HS3ST4: variants seen among roughly 807,000 people sequenced by gnomAD.
The protein encoded by HS3ST4 is heparan sulfate glucosamine 3-O-sulfotransferase 4.
Under a neutral mutation model 29.2 loss-of-function variants are expected in HS3ST4, and 17 were observed. The ratio of observed to expected loss-of-function variants is 0.58; its 90% confidence interval spans 0.40 to 0.87. HS3ST4 has a LOEUF of 0.87. Among genes scored for constraint, HS3ST4 ranks in the 40% least tolerant of loss-of-function variants. The pLI is 0.00. For missense variants in HS3ST4, 627 were observed against 634.5 expected (o/e 0.99, Z 0.13); for synonymous variants, 314 against 285.7 (o/e 1.10, Z -1.00).
At chr16:25,872,681 T>C (rs537794204) in intron 1 of HS3ST4, among the ~76,000 whole-genome samples, 129 of 152,336 alleles carry the variant, frequency 8.5e-4, no homozygotes, top group African/African-American at 3.0e-3. Flanking sequence ...TTCTGCTGGA[T>C]TCACATTGCT....
chr16:25,763,319 G>T lies in HS3ST4; in HGVS notation c.734+70168G>T, dbSNP rs138981189. On this transcript the variant is annotated intron_variant, in intron 1 of 1. Coordinates refer to ENST00000331351, the MANE Select transcript of HS3ST4 (RefSeq NM_006040.3). Reference sequence around the variant, plus strand: ...AGCTGCATCTCCAGGATGGAAAACAGCCCAGGCAGAAGGAAATGCCACCTG... The same window carrying T: ...AGCTGCATCTCCAGGATGGAAAACATCCCAGGCAGAAGGAAATGCCACCTG... Among the ~76,000 whole-genome samples, 3 of 152,244 alleles carry T rather than the reference G, an allele frequency of 2.0e-5. No individual in the cohort carries two copies. The East Asian group carries it at 5.8e-4, about 29-fold the overall frequency.
At chr16:26,026,669 C>T (rs1969477492) in intron 1 of HS3ST4, among the ~76,000 whole-genome samples, 1 of 152,098 alleles carries the variant, frequency 6.6e-6, no homozygotes, top group South Asian at 2.1e-4. Context: ...AGAAGCTCCC[C>T]AGCTGATTTC....
intron 1 of HS3ST4, among the ~76,000 whole-genome samples, chr16:25,949,694 A>G (rs145279839): frequency 4.5e-4 from 69 of 152,306 alleles, no homozygotes; most frequent in Non-Finnish European, 6.0e-4. Context: ...AATATCATGA[A>G]TAAGGGGGAT....
chr16:26,043,144 A>G (rs1284741061), intron 1 of HS3ST4, among the ~76,000 whole-genome samples: 11 of 152,148 alleles, frequency 7.2e-5, no homozygotes, highest in Middle Eastern at 3.2e-3. Flanking sequence ...AGCTTTCAAC[A>G]TTGTAATTAG....
intron 1 of HS3ST4, among the ~76,000 whole-genome samples, chr16:25,928,110 T>C (rs111449091): frequency 0.075 from 11,178 of 149,422 alleles, 512 homozygotes; most frequent in Non-Finnish European, 0.095. Context: ...GCAGGAGGAT[T>C]GCTTGCACCT....
At chr16:25,695,002 G>T (rs1303331176) in intron 1 of HS3ST4, among the ~76,000 whole-genome samples, 3 of 152,178 alleles carry the variant, frequency 2.0e-5, no homozygotes, top group Non-Finnish European at 4.4e-5. Context: ...CCGAATGAAA[G>T]AATAGAAGAT....
intron 1 of HS3ST4, among the ~76,000 whole-genome samples, chr16:25,891,929 A>T (rs1379490886): frequency 6.6e-6 from 1 of 152,162 alleles, no homozygotes. Flanking sequence ...ATGAAATGGG[A>T]CTACTAGTTG....
chr16:25,731,410 G>C (rs150398269), intron 1 of HS3ST4, among the ~76,000 whole-genome samples: 1 of 152,024 alleles, frequency 6.6e-6, no homozygotes, highest in Non-Finnish European at 1.5e-5. Flanking sequence ...GCACAATTAC[G>C]GTTCACTGCA....
At chr16:26,105,377 A>G (rs1281913883) in intron 1 of HS3ST4, among the ~76,000 whole-genome samples, 1 of 152,216 alleles carries the variant, frequency 6.6e-6, no homozygotes, top group Non-Finnish European at 1.5e-5. Flanking sequence ...GGATTGAAAA[A>G]AACTAAAATT....
intron 1 of HS3ST4, among the ~76,000 whole-genome samples, chr16:26,030,316 A>C (rs1969520323): frequency 6.6e-6 from 1 of 152,206 alleles, no homozygotes; most frequent in African/African-American, 2.4e-5. Flanking sequence ...GCTGTTAGGA[A>C]GATCACTTAA....
intron 1 of HS3ST4, among the ~76,000 whole-genome samples, chr16:26,130,933 A>C (rs1899409832): frequency 6.6e-6 from 1 of 152,202 alleles, no homozygotes; most frequent in Non-Finnish European, 1.5e-5. Flanking sequence ...ATCTCATATT[A>C]CAAGTCTGAA....
At chr16:26,037,662 A>G (rs73512502) in intron 1 of HS3ST4, among the ~76,000 whole-genome samples, 1,835 of 152,272 alleles carry the variant, frequency 0.012, 38 homozygotes, top group African/African-American at 0.04. Flanking sequence ...TGTTTCACTG[A>G]GCAGTTTGTT....
chr16:25,832,668 A>G (rs949125327), intron 1 of HS3ST4, among the ~76,000 whole-genome samples: 1 of 152,240 alleles, frequency 6.6e-6, no homozygotes, highest in African/African-American at 2.4e-5. Context: ...GCTATATACT[A>G]TGCAGCCTCG....
chr16:26,033,490 G>A (rs1374745439), intron 1 of HS3ST4, among the ~76,000 whole-genome samples: 1 of 149,270 alleles, frequency 6.7e-6, no homozygotes, highest in African/African-American at 2.5e-5. Context: ...ACTCCAGCAT[G>A]GGTGACTGTG....
chr16:25,951,898 G>C (rs115783930), intron 1 of HS3ST4, among the ~76,000 whole-genome samples: 4 of 151,720 alleles, frequency 2.6e-5, no homozygotes, highest in African/African-American at 9.7e-5. Context: ...TTTCTAAATG[G>C]TTGAAAACCA....
At chr16:26,081,271 G>A (rs1898720811) in intron 1 of HS3ST4, among the ~76,000 whole-genome samples, 1 of 144,798 alleles carries the variant, frequency 6.9e-6, no homozygotes, top group South Asian at 2.3e-4. Context: ...TGGGCAATGG[G>A]AGTGAAATCC....
chr16:26,031,362 G>C (rs1394345279), intron 1 of HS3ST4, among the ~76,000 whole-genome samples: 2 of 152,126 alleles, frequency 1.3e-5, no homozygotes, highest in African/African-American at 4.8e-5. Flanking sequence ...ACCCTCCTGT[G>C]GGCCGGGACG....
intron 1 of HS3ST4, among the ~76,000 whole-genome samples, chr16:25,753,305 G>A (rs1020885538): frequency 6.6e-6 from 1 of 152,166 alleles, no homozygotes; most frequent in African/African-American, 2.4e-5. Flanking sequence ...CATTTTCACG[G>A]GGCTGATGGT....
At chr16:25,734,561 G>A (rs1596556092) in intron 1 of HS3ST4, among the ~76,000 whole-genome samples, 1 of 152,234 alleles carries the variant, frequency 6.6e-6, no homozygotes, top group East Asian at 1.9e-4. Context: ...TGAGGTGCTG[G>A]GGTATGATGG....
Sources: gnomAD v4.1 joint callset for allele counts (sites outside exome capture counted in the v4.1 genomes callset) on GRCh38, gnomAD v4.1.1 for gene constraint, MANE v1.5 for transcripts, NCBI Gene and HGNC (gene_info 2026-07-23, HGNC 2026-07-21) for gene names.